Variants in MGAT4C observed in about 807,000 individuals in gnomAD.
MGAT4C encodes the protein alpha-1,3-mannosyl-glycoprotein 4-beta-N-acetylglucosaminyltransferase C.
In MGAT4C, 19 loss-of-function variants were observed where a neutral mutation model predicts 40.1. The ratio of observed to expected loss-of-function variants is 0.47; its 90% confidence interval spans 0.33 to 0.70. MGAT4C has a LOEUF of 0.70. Ranked by LOEUF, MGAT4C falls within the 30% of genes least tolerant of loss-of-function variation. MGAT4C has a pLI of 0.02. For synonymous variants in MGAT4C, 181 were observed against 187.1 expected, an observed-to-expected ratio of 0.97 and a Z score of 0.27; for missense variants, 491 against 563.2, an observed-to-expected ratio of 0.87 and a Z score of 1.30.
chr12:86,384,552 C>T (rs759967277), intron 3 of MGAT4C, among the ~76,000 whole-genome samples: 14 of 152,160 alleles, frequency 9.2e-5, no homozygotes, highest in East Asian at 5.8e-4. Context: ...CTTGCCCAAA[C>T]GCATTAGTAT....
chr12:86,783,174 G>A (rs1371995049), intron 1 of MGAT4C, among the ~76,000 whole-genome samples: 1 of 152,108 alleles, frequency 6.6e-6, no homozygotes, highest in Non-Finnish European at 1.5e-5. Context: ...GAGAACACTG[G>A]TTTGAGGATT....
chr12:86,684,957 T>G lies in MGAT4C; in HGVS notation c.-229+42252A>C, dbSNP rs61949562. Among the ~76,000 whole-genome samples, 982 of 152,270 alleles carry G rather than the reference T, an allele frequency of 6.4e-3. 7 individuals are homozygous for G. The highest frequency in any genetic ancestry group is 0.011 in the Non-Finnish European group (766 of 68,020). ...TGAGCTCTTTGTCAGATGGATAGATTGCAAAAATTTTCTCCTATTCTGTAT... is the reference window on the plus strand; with the variant it reads ...TGAGCTCTTTGTCAGATGGATAGATGGCAAAAATTTTCTCCTATTCTGTAT... On this transcript the variant is annotated intron_variant, in intron 2 of 7. Transcript: ENST00000548651.
At chr12:86,022,086 A>G (rs1016975790) in intron 2 of MGAT4C, among the ~76,000 whole-genome samples, 2 of 152,218 alleles carry the variant, frequency 1.3e-5, no homozygotes, top group African/African-American at 2.4e-5. Context: ...ATAAATCATT[A>G]CCATTCATTT....
chr12:86,297,251 A>C (rs1953704758), intron 4 of MGAT4C, among the ~76,000 whole-genome samples: 1 of 152,182 alleles, frequency 6.6e-6, no homozygotes, highest in South Asian at 2.1e-4. Context: ...GTGAATATTT[A>C]AGAATCATAA....
intron 2 of MGAT4C, among the ~76,000 whole-genome samples, chr12:86,019,854 T>C (rs936352459): frequency 4.6e-5 from 7 of 152,192 alleles, no homozygotes; most frequent in Admixed American, 3.9e-4. Flanking sequence ...GTTTGTATCC[T>C]CTTTTATTTC....
chr12:86,217,009 T>A (rs78953980), intron 1 of MGAT4C, among the ~76,000 whole-genome samples: 1 of 152,266 alleles, frequency 6.6e-6, no homozygotes, highest in South Asian at 2.1e-4. Context: ...AAAATTCCTA[T>A]GTGAAAGATT....
chr12:86,709,127 A>G (rs1950513799), intron 2 of MGAT4C, among the ~76,000 whole-genome samples: 1 of 152,162 alleles, frequency 6.6e-6, no homozygotes, highest in African/African-American at 2.4e-5. Context: ...TAATTGAATC[A>G]TGGGGACAGG....
chr12:86,176,920 C>A (rs1212331571), intron 1 of MGAT4C, among the ~76,000 whole-genome samples: 1 of 150,132 alleles, frequency 6.7e-6, no homozygotes, highest in African/African-American at 2.5e-5. Context: ...GAATATGTAT[C>A]AAAAGCTTAC....
intron 1 of MGAT4C, among the ~76,000 whole-genome samples, chr12:86,140,010 G>C (rs1882604217): frequency 6.6e-6 from 1 of 152,136 alleles, no homozygotes; most frequent in South Asian, 2.1e-4. Flanking sequence ...CATTGTTGAA[G>C]GATTCTTTTT....
chr12:86,266,116 G>A lies in MGAT4C; in HGVS notation c.-57+67949C>T, dbSNP rs560587666. ...AACTTGACTTGCTCTTTTCGAGTTT[G>A]TATACCTTTTATTTCTTTCTCTTGC... On this transcript the variant is annotated intron_variant, in intron 4 of 7. Coordinates refer to the MGAT4C transcript ENST00000548651. Among the ~76,000 whole-genome samples the A allele has an allele frequency of 3.9e-5, 6 of 152,196 alleles. No homozygotes were observed. The South Asian group carries it at 1.2e-3, about 32-fold the overall frequency.
At chr12:86,342,338 T>C (rs1954923342) in intron 3 of MGAT4C, among the ~76,000 whole-genome samples, 1 of 152,074 alleles carries the variant, frequency 6.6e-6, no homozygotes, top group Non-Finnish European at 1.5e-5. Context: ...GTCCTCCAGG[T>C]CTGGTACTCC....
chr12:86,816,482 G>A (rs1318688162), intron 1 of MGAT4C, among the ~76,000 whole-genome samples: 3 of 151,530 alleles, frequency 2.0e-5, no homozygotes, highest in East Asian at 1.9e-4. Context: ...CTTTGAAAAT[G>A]TCATTAACCT....
Position 85,989,415 on chromosome 12 carries a change from T to C in MGAT4C, c.132A>G (p.Glu44=). 6.2e-7 allele frequency: 1 copy of C among 1,600,872 alleles called. No individual in the cohort carries two copies. The highest frequency in any genetic ancestry group is 2.3e-5 in the East Asian group (1 of 44,422). ...IFLLFMNLYI[E]DSYVLEGDKQ... ...CCAAACTTACCAGAACATAGCTATC[T>C]TCAATGTACAAGTTCATAAAAAGGA... The change falls in exon 3 of 5, where the codon GAA becomes GAG. Residue 44 remains glutamate (E), a synonymous_variant. Coordinates refer to ENST00000611864, the MANE Select transcript of MGAT4C (RefSeq NM_001351288.2).
Position 85,989,386 on chromosome 12 carries a change from C to T in MGAT4C, c.147+14G>A. The T allele has an allele frequency of 6.4e-7, 1 of 1,555,112 alleles. No individual in the cohort carries two copies. The highest frequency in any genetic ancestry group is 8.7e-7 in the Non-Finnish European group (1 of 1,152,706). On this transcript the variant is annotated intron_variant, in intron 3 of 4. Coordinates refer to ENST00000611864, the MANE Select transcript of MGAT4C (RefSeq NM_001351288.2). Reference sequence around the variant, plus strand: ...CTTATTTTGAAGAAAAGACAATCAACCTCCCAAACTTACCAGAACATAGCT... The same window carrying T: ...CTTATTTTGAAGAAAAGACAATCAATCTCCCAAACTTACCAGAACATAGCT...
At chr12:86,790,682 C>G (rs1952007075) in intron 1 of MGAT4C, among the ~76,000 whole-genome samples, 1 of 151,872 alleles carries the variant, frequency 6.6e-6, no homozygotes, top group East Asian at 1.9e-4. Flanking sequence ...TATTGAGAAA[C>G]CTAAGCCACA....
intron 2 of MGAT4C, among the ~76,000 whole-genome samples, chr12:86,656,044 TA>T (rs1468173684): frequency 6.6e-6 from 1 of 152,096 alleles, no homozygotes; most frequent in Non-Finnish European, 1.5e-5. Context: ...TCAAATTAAT[TA>T]ATTATCAAAT....
chr12:86,772,632 T>C (rs1407706629), intron 1 of MGAT4C, among the ~76,000 whole-genome samples: 2 of 60,042 alleles, frequency 3.3e-5, no homozygotes, highest in Non-Finnish European at 9.8e-5. Flanking sequence ...ACTGCTACCA[T>C]GATGGTCCAG....
intron 1 of MGAT4C, among the ~76,000 whole-genome samples, chr12:86,731,718 G>T (rs1565953383): frequency 6.6e-6 from 1 of 151,798 alleles, no homozygotes; most frequent in Non-Finnish European, 1.5e-5. Flanking sequence ...AGTGACTGAA[G>T]ACAAGTTCTT....
rs577816055 is a variant in MGAT4C, at chr12:86,719,419, CA to C, written c.-229+7789del. 2.8e-3 allele frequency among the ~76,000 whole-genome samples: 420 copies of C among 152,272 alleles called. 1 individual carries two copies. Among genetic ancestry groups the C allele is most frequent in the Non-Finnish European group, 3.5e-3 (236 of 68,026 alleles). On this transcript the variant is annotated intron_variant, in intron 2 of 7. Transcript: ENST00000548651. ...AGTTATCTGCCCACCATATAGCTAA[CA>C]TACAATGATGGCTCACATATAGAAG...
Sources: allele counts gnomAD v4.1 joint callset (sites outside exome capture counted in the v4.1 genomes callset), GRCh38; gene constraint gnomAD v4.1.1; transcripts MANE v1.5; gene names NCBI Gene and HGNC (gene_info 2026-07-23, HGNC 2026-07-21).